Variants in ALPL observed in about 807,000 individuals in gnomAD.
ALPL encodes alkaline phosphatase, tissue-nonspecific isozyme.
ALPL carries 42 observed loss-of-function variants against 51.3 expected under a neutral mutation model. The ratio of observed to expected loss-of-function variants is 0.82; its 90% confidence interval spans 0.64 to 1.06. The LOEUF is 1.06. ALPL is among the 50% of genes least tolerant of loss of function. ALPL has a pLI of 0.00. For synonymous variants in ALPL, 279 were observed against 296.4 expected (o/e 0.94, Z 0.60); for missense variants, 589 against 709.4 (o/e 0.83, Z 1.93).
intron 10 of ALPL, 91 bp from the exon 11 acceptor site, chr1:21,576,431 G>T (rs1248051340): frequency 3.2e-6 from 5 of 1,550,300 alleles, no homozygotes; most frequent in Non-Finnish European, 4.4e-6. Flanking sequence ...GATCCCAGGG[G>T]TTACCAAGCC....
At chr1:21,529,865 G>A (rs1256350) in intron 1 of ALPL, among the ~76,000 whole-genome samples, 19,530 of 151,806 alleles carry the variant, frequency 0.13, 1,455 homozygotes, top group Middle Eastern at 0.18. Flanking sequence ...TCGACCTCCC[G>A]AGCTCAAGTG....
At chr1:21,545,172 T>C (rs575411180) in intron 1 of ALPL, among the ~76,000 whole-genome samples, 1 of 152,212 alleles carries the variant, frequency 6.6e-6, no homozygotes, top group South Asian at 2.1e-4. Context: ...TTCTTACATA[T>C]TTTAAGTTCA....
intron 1 of ALPL, among the ~76,000 whole-genome samples, chr1:21,527,043 C>CTTTTCTTTTCTTTTCTTTTCT (rs760115642): frequency 7.4e-6 from 1 of 135,584 alleles, no homozygotes; most frequent in Non-Finnish European, 1.6e-5. Context: ...CTTTTCTTTT[C>CTTTTCTTTTCTTTTCTTTTCT]TTTCTTGAGA....
At chr1:21,573,913 C>A in intron 9 of ALPL, 114 bp downstream of exon 9, 2 of 1,546,830 alleles carry the variant, frequency 1.3e-6, no homozygotes, top group South Asian at 1.2e-5. Flanking sequence ...AGGGAGAGGT[C>A]CCTTTAGGAG....
chr1:21,520,469 T>G (rs1187846957), intron 1 of ALPL, among the ~76,000 whole-genome samples: 1 of 143,806 alleles, frequency 7.0e-6, no homozygotes, highest in Non-Finnish European at 1.5e-5. Flanking sequence ...TTTTTCTCTT[T>G]TTTTTTTTTT....
At chr1:21,522,156 C>T (rs1200242827) in intron 1 of ALPL, among the ~76,000 whole-genome samples, 2 of 151,406 alleles carry the variant, frequency 1.3e-5, no homozygotes, top group Non-Finnish European at 2.9e-5. Flanking sequence ...ACTACAAGCT[C>T]CACCTCCTGG....
intron 6 of ALPL, among the ~76,000 whole-genome samples, chr1:21,565,408 CAGAG>C (rs1392559975): frequency 2.0e-5 from 3 of 152,162 alleles, no homozygotes; most frequent in Admixed American, 6.5e-5. Flanking sequence ...GCAGCAGAAA[CAGAG>C]AGCCACACTT....
At chr1:21,525,018 C>T (rs982974696) in intron 1 of ALPL, among the ~76,000 whole-genome samples, 3 of 152,234 alleles carry the variant, frequency 2.0e-5, no homozygotes, top group Non-Finnish European at 4.4e-5. Context: ...CCTGACCCTC[C>T]TGAGTTTCTA....
intron 1 of ALPL, among the ~76,000 whole-genome samples, chr1:21,543,777 G>A (rs1299402355): frequency 6.6e-6 from 1 of 152,188 alleles, no homozygotes; most frequent in African/African-American, 2.4e-5. Flanking sequence ...GGGGCTGCGT[G>A]CTCTAGACCG....
At chr1:21,546,939 G>A (rs888542947) in intron 1 of ALPL, among the ~76,000 whole-genome samples, 1 of 152,234 alleles carries the variant, frequency 6.6e-6, no homozygotes, top group African/African-American at 2.4e-5. Flanking sequence ...AGCTGCTGCT[G>A]TTAGGGGAAA....
intron 1 of ALPL, among the ~76,000 whole-genome samples, chr1:21,535,046 T>C (rs1009596252): frequency 1.3e-5 from 2 of 152,230 alleles, no homozygotes; most frequent in Admixed American, 1.3e-4. Context: ...TGGGCTGTTA[T>C]GTTCAGCACC....
At chr1:21,571,209 T>C (rs753770915) in intron 8 of ALPL, among the ~76,000 whole-genome samples, 21 of 152,214 alleles carry the variant, frequency 1.4e-4, no homozygotes, top group Admixed American at 7.2e-4. Context: ...GGGCAAGTGA[T>C]TTCTCCTCTT....
intron 9 of ALPL, among the ~76,000 whole-genome samples, chr1:21,575,142 A>G (rs947741834): frequency 6.6e-6 from 1 of 152,158 alleles, no homozygotes; most frequent in Non-Finnish European, 1.5e-5. Context: ...TACCTCTGGG[A>G]GCTCCGTGCT....
intron 1 of ALPL, among the ~76,000 whole-genome samples, chr1:21,547,545 A>G (rs1644268753): frequency 6.6e-6 from 1 of 151,028 alleles, no homozygotes; most frequent in Non-Finnish European, 1.5e-5. Context: ...AGCTGGCCTG[A>G]CTCCCCCTGC....
In ALPL at chr1:21,537,318, C is replaced by T. The variant is rs1570216452; in HGVS notation, c.-104-16660C>T. The stretch of plus-strand genomic sequence containing the variant: ...GACTCTGACTTGTAACCCTGGGCTG[C>T]CCCCACTGATCTCAGCCTCTCTGTG... On this transcript the variant is annotated intron_variant, in intron 1 of 11. Coordinates refer to ENST00000374840, the MANE Select transcript of ALPL (RefSeq NM_000478.6). Among the ~76,000 whole-genome samples the T allele has an allele frequency of 3.3e-5, 5 of 152,318 alleles. No homozygotes were observed. In the South Asian group the frequency reaches 1.0e-3, roughly 32 times the overall value.
At chr1:21,566,508 C>T (rs1644566975) in intron 6 of ALPL, among the ~76,000 whole-genome samples, 1 of 152,028 alleles carries the variant, frequency 6.6e-6, no homozygotes, top group Non-Finnish European at 1.5e-5. Context: ...CCAGGCTGGT[C>T]TCAAACTCTG....
chr1:21,514,606 G>A (rs1570156319), intron 1 of ALPL, among the ~76,000 whole-genome samples: 1 of 152,144 alleles, frequency 6.6e-6, no homozygotes, highest in Non-Finnish European at 1.5e-5. Flanking sequence ...TACATGCGGG[G>A]GGCTCTGGAG....
chr1:21,537,574 G>A (rs1033603947), intron 1 of ALPL, among the ~76,000 whole-genome samples: 1 of 152,008 alleles, frequency 6.6e-6, no homozygotes, highest in Admixed American at 6.6e-5. Flanking sequence ...CCCCCCCACC[G>A]CCATCCCCCT....
At chr1:21,535,963 G>A (rs1257510153) in intron 1 of ALPL, among the ~76,000 whole-genome samples, 1 of 152,142 alleles carries the variant, frequency 6.6e-6, no homozygotes, top group South Asian at 2.1e-4. Context: ...TTCTCCCTCC[G>A]AGGCCTTTTG....
Sources: allele counts gnomAD v4.1 joint callset (sites outside exome capture counted in the v4.1 genomes callset), GRCh38; gene constraint gnomAD v4.1.1; transcripts MANE v1.5; gene names NCBI Gene and HGNC (gene_info 2026-07-23, HGNC 2026-07-21).